Variants in DSCAM observed in about 807,000 individuals in gnomAD.
The protein encoded by DSCAM is cell adhesion molecule DSCAM.
In DSCAM, 47 loss-of-function variants were observed where a neutral mutation model predicts 217.7. The observed-to-expected ratio is 0.22, with a 90% CI of 0.17 to 0.28. The LOEUF is 0.28. DSCAM is among the 10% of genes least tolerant of loss of function. The probability of loss-of-function intolerance (pLI) is 1.00; values close to 1 mark genes in which losing one functional copy is unlikely to be tolerated. For missense variants in DSCAM, 2,080 were observed against 2,618.3 expected (o/e 0.79, Z 4.49); for synonymous variants, 1,056 against 1,015.3 (o/e 1.04, Z -0.76).
At chr21:40,832,407 G>A (rs2092018898) in intron 1 of DSCAM, among the ~76,000 whole-genome samples, 1 of 152,100 alleles carries the variant, frequency 6.6e-6, no homozygotes, top group African/African-American at 2.4e-5. Flanking sequence ...ATTACAAGGA[G>A]GATATCTTTC....
At chr21:40,231,596 G>A (rs1400775126) in intron 11 of DSCAM, among the ~76,000 whole-genome samples, 2 of 152,022 alleles carry the variant, frequency 1.3e-5, no homozygotes, top group Middle Eastern at 3.4e-3. Flanking sequence ...TCTACCTCCT[G>A]CACTCAAGTG....
At chr21:40,192,333 T>A (rs142209617) in intron 11 of DSCAM, among the ~76,000 whole-genome samples, 2 of 152,132 alleles carry the variant, frequency 1.3e-5, no homozygotes, top group Non-Finnish European at 2.9e-5. Flanking sequence ...GGGAGAGGCC[T>A]GGTGGGAGAT....
intron 3 of DSCAM, among the ~76,000 whole-genome samples, chr21:40,515,340 C>G (rs1408910439): frequency 6.6e-6 from 1 of 152,186 alleles, no homozygotes; most frequent in Non-Finnish European, 1.5e-5. Flanking sequence ...CCTTCCACTT[C>G]CACTCACCAC....
At chr21:40,174,137 C>G (rs1252480787) in intron 15 of DSCAM, among the ~76,000 whole-genome samples, 3 of 152,162 alleles carry the variant, frequency 2.0e-5, no homozygotes, top group Non-Finnish European at 4.4e-5. Context: ...GACTGTGTCA[C>G]TTATTCTCTT....
intron 11 of DSCAM, among the ~76,000 whole-genome samples, chr21:40,191,394 C>T (rs76165150): frequency 6.6e-6 from 1 of 152,166 alleles, no homozygotes; most frequent in African/African-American, 2.4e-5. Flanking sequence ...CAGTTGCTCA[C>T]AACTGTTGTG....
intron 20 of DSCAM, among the ~76,000 whole-genome samples, chr21:40,113,819 C>G (rs62237607): frequency 0.089 from 13,547 of 152,088 alleles, 918 homozygotes; most frequent in East Asian, 0.29. Context: ...ACAACTGCTT[C>G]AAAGAGAATA....
chr21:40,483,231 A>G (rs2075997337), intron 3 of DSCAM, among the ~76,000 whole-genome samples: 2 of 152,228 alleles, frequency 1.3e-5, no homozygotes, highest in Non-Finnish European at 1.5e-5. Context: ...AAATTAGCAA[A>G]TATCTATTTT....
At chr21:40,158,428 GA>G (rs1459976893) in intron 16 of DSCAM, among the ~76,000 whole-genome samples, 4 of 152,008 alleles carry the variant, frequency 2.6e-5, no homozygotes, top group Non-Finnish European at 5.9e-5. Flanking sequence ...CAAAAGAAAA[GA>G]AAAAAAGAAA....
At chr21:40,373,974 C>T (rs1343012451) in intron 3 of DSCAM, among the ~76,000 whole-genome samples, 1 of 152,174 alleles carries the variant, frequency 6.6e-6, no homozygotes, top group Non-Finnish European at 1.5e-5. Context: ...AGCAGATAGT[C>T]ATGCATCTAC....
In DSCAM at chr21:40,109,982, C is replaced by A. The variant is rs191018242; in HGVS notation, c.3696+14213G>T. 7.1e-3 allele frequency among the ~76,000 whole-genome samples: 1,078 copies of A among 152,324 alleles called. 6 individuals carry two copies. Among genetic ancestry groups the A allele is most frequent in the South Asian group, 0.014 (70 of 4,832 alleles). On this transcript the variant is annotated intron_variant, in intron 20 of 32. Coordinates refer to ENST00000400454, the MANE Select transcript of DSCAM (RefSeq NM_001389.5). Reference sequence around the variant, plus strand: ...GGCCTGCCTGCCTCTGTAGACTCCACCTCTGGGGGCAGGGCATAGCCAAAC... The same window carrying A: ...GGCCTGCCTGCCTCTGTAGACTCCAACTCTGGGGGCAGGGCATAGCCAAAC...
intron 3 of DSCAM, among the ~76,000 whole-genome samples, chr21:40,612,700 G>C (rs2089332033): frequency 6.6e-6 from 1 of 152,156 alleles, no homozygotes. Flanking sequence ...TTATCAAAGG[G>C]TTTTGATAAT....
rs562392696 is a variant in DSCAM at position 40,293,271 on chromosome 21, GGGAGGTGA to G, written c.2182+2776_2182+2783del. On this transcript the variant is annotated intron_variant, in intron 10 of 32. Transcript: ENST00000400454. The stretch of plus-strand genomic sequence containing the variant: ...ATGCACTTCTGGAAAGGACCTTAAA[GGGAGGTGA>G]GTCGTGTGGGAGGGGCAGCCATCTC... 3.6e-4 allele frequency among the ~76,000 whole-genome samples: 55 copies of G among 152,276 alleles called. No individual in the cohort carries two copies. The South Asian group carries it at 8.9e-3, about 25-fold the overall frequency.
intron 4 of DSCAM, among the ~76,000 whole-genome samples, chr21:40,356,416 G>A (rs1318553563): frequency 7.5e-6 from 1 of 133,550 alleles, no homozygotes; most frequent in Non-Finnish European, 1.6e-5. Context: ...TATGCACATT[G>A]TACATCACAT....
chr21:40,409,407 T>C (rs977018836), intron 3 of DSCAM, among the ~76,000 whole-genome samples: 13 of 152,210 alleles, frequency 8.5e-5, no homozygotes, highest in Non-Finnish European at 1.6e-4. Flanking sequence ...AAATCTCTGC[T>C]TTTCCAGAGA....
intron 1 of DSCAM, among the ~76,000 whole-genome samples, chr21:40,834,331 C>T (rs993239453): frequency 2.0e-5 from 3 of 150,920 alleles, no homozygotes; most frequent in Non-Finnish European, 4.4e-5. Flanking sequence ...GGCATGAACC[C>T]GGGAGGCTGA....
chr21:40,247,707 T>C (rs574569740), intron 11 of DSCAM, among the ~76,000 whole-genome samples: 1 of 152,356 alleles, frequency 6.6e-6, no homozygotes, highest in South Asian at 2.1e-4. Flanking sequence ...AGGCACATGA[T>C]GCAAACTGTC....
At chr21:40,017,256 G>A (rs542873120) in intron 32 of DSCAM, among the ~76,000 whole-genome samples, 1 of 152,206 alleles carries the variant, frequency 6.6e-6, no homozygotes, top group Non-Finnish European at 1.5e-5. Flanking sequence ...CAGGAGCAAT[G>A]ACCTTATTTT....
At chr21:40,478,217 T>C (rs951537877) in intron 3 of DSCAM, among the ~76,000 whole-genome samples, 5 of 152,218 alleles carry the variant, frequency 3.3e-5, no homozygotes, top group African/African-American at 9.7e-5. Context: ...CTGTATTATA[T>C]TGAATGAACA....
intron 11 of DSCAM, among the ~76,000 whole-genome samples, chr21:40,219,292 T>C (rs2898404): frequency 0.076 from 11,566 of 152,244 alleles, 758 homozygotes; most frequent in African/African-American, 0.17. Context: ...TGATTGTGTA[T>C]GTTGAATCAA....
Sources: gnomAD v4.1 joint callset for allele counts (sites outside exome capture counted in the v4.1 genomes callset) on GRCh38, gnomAD v4.1.1 for gene constraint, MANE v1.5 for transcripts, NCBI Gene and HGNC (gene_info 2026-07-23, HGNC 2026-07-21) for gene names.